Variants in PARD3 observed in about 807,000 individuals in gnomAD.
The protein encoded by PARD3 is partitioning defective 3 homolog.
A neutral mutation model predicts 155.4 loss-of-function variants in PARD3; 75 were observed. That is an observed-to-expected ratio of 0.48 (90% CI 0.40 to 0.58). The LOEUF (loss-of-function observed/expected upper bound fraction) is 0.58, where lower values mean the gene tolerates loss of function less well. Among genes scored for constraint, PARD3 ranks in the 20% least tolerant of loss-of-function variants. The pLI is 0.00. For synonymous variants in PARD3, 576 were observed against 610.5 expected, an observed-to-expected ratio of 0.94 and a Z score of 0.83; for missense variants, 1,642 against 1,721.7, an observed-to-expected ratio of 0.95 and a Z score of 0.82.
At chr10:34,330,195 C>G (rs1212714733) in intron 19 of PARD3, among the ~76,000 whole-genome samples, 1 of 152,074 alleles carries the variant, frequency 6.6e-6, no homozygotes, top group African/African-American at 2.4e-5. Flanking sequence ...ATAAGATAAT[C>G]AACAATTTTC....
At chr10:34,488,612 G>A (rs979178358) in intron 3 of PARD3, 3 of 152,314 alleles carry the variant, frequency 2.0e-5, no homozygotes, top group African/African-American at 7.2e-5. Context: ...TGCTTCCTGT[G>A]TCCTGGGGCT....
At position 34,377,962 on chromosome 10, in the gene PARD3, C is replaced by T. The variant is rs1841424899; in HGVS notation, c.1539+5G>A. 2.6e-6 allele frequency: 4 copies of T among 1,531,942 alleles called. No individual in the cohort carries two copies. The highest frequency in any genetic ancestry group is 3.5e-6 in the Non-Finnish European group (4 of 1,148,474). The allele number at this position is 1,531,942 out of a possible 1,614,324, so 94.9% of individuals were successfully genotyped here. ...AGGGAACATCCTGCTGGGGAAGTCACTTACCTCTATAAGTCTGTCTCCTGC... is the reference window on the plus strand; with the variant it reads ...AGGGAACATCCTGCTGGGGAAGTCATTTACCTCTATAAGTCTGTCTCCTGC... On this transcript the variant is annotated splice_donor_5th_base_variant and intron_variant, in intron 10 of 24. Coordinates refer to ENST00000374788, the MANE Select transcript of PARD3 (RefSeq NM_001184785.2).
intron 2 of PARD3, among the ~76,000 whole-genome samples, chr10:34,688,050 G>A (rs967490474): frequency 2.6e-5 from 4 of 151,596 alleles, no homozygotes; most frequent in African/African-American, 9.7e-5. Flanking sequence ...AAACAGTCTC[G>A]TTAGGTTGCC....
At chr10:34,394,130 T>C (rs183062331) in intron 7 of PARD3, among the ~76,000 whole-genome samples, 1 of 152,046 alleles carries the variant, frequency 6.6e-6, no homozygotes, top group African/African-American at 2.4e-5. Context: ...CCACCGCGCC[T>C]GGCCTATGCC....
At chr10:34,185,347 T>C (rs1371948949) in intron 22 of PARD3, among the ~76,000 whole-genome samples, 2 of 152,234 alleles carry the variant, frequency 1.3e-5, no homozygotes, top group East Asian at 3.8e-4. Context: ...TAAAGAATGC[T>C]GTCTTTCATA....
intron 21 of PARD3, among the ~76,000 whole-genome samples, chr10:34,279,855 A>T (rs1318600006): frequency 6.6e-6 from 1 of 152,220 alleles, no homozygotes; most frequent in African/African-American, 2.4e-5. Flanking sequence ...AAAGTTTCAG[A>T]TCATCTGTTT....
chr10:34,785,045 A>C (rs954292841), intron 1 of PARD3, among the ~76,000 whole-genome samples: 1 of 152,234 alleles, frequency 6.6e-6, no homozygotes, highest in East Asian at 1.9e-4. Flanking sequence ...ATAGGAACAA[A>C]TATTAAACTG....
intron 1 of PARD3, among the ~76,000 whole-genome samples, chr10:34,756,112 C>T (rs1244506766): frequency 6.6e-6 from 1 of 151,188 alleles, no homozygotes; most frequent in Non-Finnish European, 1.5e-5. Context: ...TACCCCTCAC[C>T]CTCCCTCCTC....
intron 12 of PARD3, among the ~76,000 whole-genome samples, chr10:34,370,615 T>A (rs1840488089): frequency 6.6e-6 from 1 of 152,122 alleles, no homozygotes; most frequent in African/African-American, 2.4e-5. Context: ...ACTTAAAGCA[T>A]CATTTTCCAT....
intron 2 of PARD3, among the ~76,000 whole-genome samples, chr10:34,644,661 G>C (rs551212072): frequency 3.5e-4 from 53 of 152,184 alleles, no homozygotes; most frequent in Non-Finnish European, 6.3e-4. Context: ...CATCACTTAC[G>C]GGGTATAACA....
rs533739968 is a variant in PARD3, at chr10:34,294,543, T to C, written c.3066-10298A>G. On this transcript the variant is annotated intron_variant, in intron 20 of 24. Transcript: ENST00000374788. ...CGTCAGCACTTTTTTCTGTTGATTA[T>C]AGGAAACAATTCCTTTTGATTCACA... Among the ~76,000 whole-genome samples, 11 of 152,352 alleles carry C rather than the reference T, an allele frequency of 7.2e-5. No homozygotes were observed. In the South Asian group the frequency reaches 8.3e-4, roughly 11 times the overall value.
chr10:34,409,719 T>C (rs1363781265), intron 5 of PARD3, among the ~76,000 whole-genome samples: 1 of 152,192 alleles, frequency 6.6e-6, no homozygotes, highest in Non-Finnish European at 1.5e-5. Flanking sequence ...TCAATCTCTT[T>C]TCAGAAGTGG....
At chr10:34,131,062 TA>T (rs887423667) in intron 23 of PARD3, among the ~76,000 whole-genome samples, 9 of 151,876 alleles carry the variant, frequency 5.9e-5, no homozygotes, top group Middle Eastern at 3.2e-3. Flanking sequence ...CTCATCTCTT[TA>T]AAAAAAAGAA....
intron 13 of PARD3, 83 bp downstream of exon 13, chr10:34,359,988 A>C: frequency 9.9e-7 from 1 of 1,005,742 alleles, no homozygotes; most frequent in Non-Finnish European, 1.5e-6. Context: ...ACTTCTGTTA[A>C]CTGTATATGT....
At chr10:34,758,290 C>T (rs1179302672) in intron 1 of PARD3, among the ~76,000 whole-genome samples, 1 of 152,204 alleles carries the variant, frequency 6.6e-6, no homozygotes, top group African/African-American at 2.4e-5. Context: ...TTATTTTACA[C>T]ATTCTTTTTA....
intron 5 of PARD3, among the ~76,000 whole-genome samples, chr10:34,432,860 TCCAGAGAAATGA>T (rs1038772385): frequency 2.0e-5 from 3 of 151,950 alleles, no homozygotes; most frequent in Non-Finnish European, 4.4e-5. Flanking sequence ...TAAAAACCCA[TCCAGAGAAATGA>T]CCAGCACTCA....
intron 20 of PARD3, among the ~76,000 whole-genome samples, chr10:34,301,087 G>C (rs1398458739): frequency 6.6e-6 from 1 of 152,154 alleles, no homozygotes; most frequent in Non-Finnish European, 1.5e-5. Flanking sequence ...CAGGTTTTGC[G>C]CTTGTGTTTG....
At chr10:34,460,560 G>A (rs867308246) in intron 4 of PARD3, among the ~76,000 whole-genome samples, 17 of 152,266 alleles carry the variant, frequency 1.1e-4, no homozygotes, top group African/African-American at 3.8e-4. Flanking sequence ...AAGGCCGGGC[G>A]CGGGGGCTCA....
At chr10:34,393,577 A>G (rs890578115) in intron 7 of PARD3, among the ~76,000 whole-genome samples, 3 of 148,492 alleles carry the variant, frequency 2.0e-5, no homozygotes, top group African/African-American at 4.9e-5. Flanking sequence ...CTCAAAAGGA[A>G]AAAAAAAAAA....
Sources: gnomAD v4.1 joint callset for allele counts (sites outside exome capture counted in the v4.1 genomes callset) on GRCh38, gnomAD v4.1.1 for gene constraint, MANE v1.5 for transcripts, NCBI Gene and HGNC (gene_info 2026-07-23, HGNC 2026-07-21) for gene names.